Variants in NLGN1 observed in about 807,000 individuals in gnomAD.
NLGN1 encodes the protein neuroligin-1.
A neutral mutation model predicts 65.5 loss-of-function variants in NLGN1; 12 were observed. That is an observed-to-expected ratio of 0.18 (90% CI 0.12 to 0.30). The LOEUF is 0.30. Ranked by LOEUF, NLGN1 falls within the 10% of genes least tolerant of loss-of-function variation. The probability of loss-of-function intolerance (pLI) is 1.00; values close to 1 mark genes in which losing one functional copy is unlikely to be tolerated. For missense variants in NLGN1, 750 were observed against 1,007.1 expected, an observed-to-expected ratio of 0.74 and a Z score of 3.46; for synonymous variants, 350 against 359.5, an observed-to-expected ratio of 0.97 and a Z score of 0.30.
At chr3:173,568,743 G>A (rs1281063813) in intron 2 of NLGN1, among the ~76,000 whole-genome samples, 2 of 152,096 alleles carry the variant, frequency 1.3e-5, no homozygotes, top group Non-Finnish European at 2.9e-5. Context: ...TGGCACTATC[G>A]GCTCGCTGCA....
intron 4 of NLGN1, among the ~76,000 whole-genome samples, chr3:174,227,632 C>T (rs963854768): frequency 6.6e-6 from 1 of 151,884 alleles, no homozygotes; most frequent in African/African-American, 2.4e-5. Context: ...CTAATTTAGA[C>T]CTTTTATTTT....
intron 3 of NLGN1, among the ~76,000 whole-genome samples, chr3:173,711,601 C>T (rs1203873339): frequency 6.6e-6 from 1 of 152,174 alleles, no homozygotes; most frequent in Admixed American, 6.6e-5. Context: ...TGGCTCCAGT[C>T]AGCCAAGGGG....
intron 2 of NLGN1, among the ~76,000 whole-genome samples, chr3:173,600,229 G>T (rs768468927): frequency 1.3e-5 from 1 of 77,380 alleles, no homozygotes; most frequent in Non-Finnish European, 3.1e-5. Flanking sequence ...ACACACACGT[G>T]TATGTCTTTA....
chr3:173,501,300 A>G (rs780653568), intron 2 of NLGN1, among the ~76,000 whole-genome samples: 8 of 151,918 alleles, frequency 5.3e-5, no homozygotes, highest in South Asian at 2.1e-4. Context: ...GTTCCCCTCC[A>G]TGTGTCAATG....
chr3:173,475,479 T>G (rs1198360850), intron 2 of NLGN1, among the ~76,000 whole-genome samples: 1 of 152,192 alleles, frequency 6.6e-6, no homozygotes, highest in Non-Finnish European at 1.5e-5. Context: ...TTTCCAAATC[T>G]TAAACAAAAT....
chr3:173,483,985 C>T (rs986235184), intron 2 of NLGN1, among the ~76,000 whole-genome samples: 1 of 152,072 alleles, frequency 6.6e-6, no homozygotes, highest in African/African-American at 2.4e-5. Context: ...TTATTTCTGG[C>T]TTTAAATTTT....
At chr3:174,290,478 A>T (rs1324433375), downstream of NLGN1, among the ~76,000 whole-genome samples, 2 of 151,176 alleles carry the variant, frequency 1.3e-5, no homozygotes, top group Non-Finnish European at 3.0e-5. Flanking sequence ...ATGTCTCAGA[A>T]TACATAGGAA....
intron 4 of NLGN1, among the ~76,000 whole-genome samples, chr3:174,234,985 CTTTTTTTTTTTTT>C (rs748911027): frequency 4.6e-5 from 3 of 65,748 alleles, no homozygotes; most frequent in East Asian, 4.5e-4. Flanking sequence ...AAGGAATCAC[CTTTTTTTTTTTTT>C]TTTTTTTTTT....
At chr3:173,457,789 A>G (rs1722743757) in intron 2 of NLGN1, among the ~76,000 whole-genome samples, 1 of 152,158 alleles carries the variant, frequency 6.6e-6, no homozygotes, top group Non-Finnish European at 1.5e-5. Context: ...GATGAAAAAG[A>G]AAAGAACTAA....
chr3:173,416,985 T>C (rs779933204), intron 1 of NLGN1, among the ~76,000 whole-genome samples: 22 of 152,134 alleles, frequency 1.4e-4, no homozygotes, highest in Non-Finnish European at 3.1e-4. Flanking sequence ...TCAACTCTTA[T>C]GTTCAATAAT....
At chr3:173,424,833 G>A (rs1203265246) in intron 1 of NLGN1, among the ~76,000 whole-genome samples, 2 of 152,088 alleles carry the variant, frequency 1.3e-5, no homozygotes, top group East Asian at 1.9e-4. Flanking sequence ...CCCTACAAAC[G>A]GTTCCAACCT....
At chr3:173,820,774 A>C (rs1170916302) in intron 4 of NLGN1, among the ~76,000 whole-genome samples, 2 of 152,188 alleles carry the variant, frequency 1.3e-5, no homozygotes, top group Admixed American at 6.5e-5. Context: ...TAAAACTGTG[A>C]GTGAGGGAAG....
intron 4 of NLGN1, among the ~76,000 whole-genome samples, chr3:173,895,382 C>T (rs969014467): frequency 2.0e-5 from 3 of 152,006 alleles, no homozygotes; most frequent in Non-Finnish European, 4.4e-5. Flanking sequence ...CAGGATTGCC[C>T]GGAAAGGAAA....
chr3:173,837,256 A>C (rs1395188447), intron 4 of NLGN1, among the ~76,000 whole-genome samples: 1 of 152,174 alleles, frequency 6.6e-6, no homozygotes, highest in East Asian at 1.9e-4. Context: ...TTTTTAATAA[A>C]GACAAAAGAT....
intron 3 of NLGN1, among the ~76,000 whole-genome samples, chr3:173,784,951 A>G (rs1781729598): frequency 6.6e-6 from 1 of 152,212 alleles, no homozygotes; most frequent in Non-Finnish European, 1.5e-5. Context: ...TCCACATGGG[A>G]AGAATGAAAC....
chr3:173,913,752 A>ACCTCAACTGCTCTGCTCC (rs1740147852), intron 4 of NLGN1, among the ~76,000 whole-genome samples: 1 of 152,194 alleles, frequency 6.6e-6, no homozygotes, highest in Non-Finnish European at 1.5e-5. Context: ...CACTCTTCTT[A>ACCTCAACTGCTCTGCTCC]CCTCAACTGC....
chr3:174,241,731 G>T (rs1452185833), intron 4 of NLGN1, among the ~76,000 whole-genome samples: 1 of 151,022 alleles, frequency 6.6e-6, no homozygotes, highest in African/African-American at 2.4e-5. Context: ...TCGGCTCACT[G>T]CAAGCTCCGC....
intron 4 of NLGN1, among the ~76,000 whole-genome samples, chr3:174,149,246 G>A (rs979434495): frequency 6.6e-6 from 1 of 152,102 alleles, no homozygotes; most frequent in African/African-American, 2.4e-5. Context: ...GAATCACACA[G>A]TCATAACTAG....
chr3:174,106,279 T>C (rs2152598002), intron 4 of NLGN1, among the ~76,000 whole-genome samples: 1 of 152,182 alleles, frequency 6.6e-6, no homozygotes, highest in African/African-American at 2.4e-5. Flanking sequence ...TTATGCCTGG[T>C]ATATATATAA....
Sources: gnomAD v4.1 joint callset for allele counts (sites outside exome capture counted in the v4.1 genomes callset) on GRCh38, gnomAD v4.1.1 for gene constraint, MANE v1.5 for transcripts, NCBI Gene and HGNC (gene_info 2026-07-23, HGNC 2026-07-21) for gene names.